The following YPEL1 variants were observed in gnomAD, a reference collection of about 807,000 sequenced individuals.
The protein encoded by YPEL1 is protein yippee-like 1.
A neutral mutation model predicts 17.3 loss-of-function variants in YPEL1; 7 were observed. The observed-to-expected ratio is 0.40, with a 90% confidence interval of 0.23 to 0.76. The LOEUF (loss-of-function observed/expected upper bound fraction) is 0.76, where lower values mean the gene tolerates loss of function less well. YPEL1 is among the 30% of genes least tolerant of loss of function. The pLI, the probability that YPEL1 is intolerant of heterozygous loss-of-function variation, is 0.35. For synonymous variants in YPEL1, 59 were observed against 59.6 expected (o/e 0.99, Z 0.05); for missense variants, 91 against 155.5 (o/e 0.59, Z 2.21).
rs942402633 is a variant in YPEL1 at position 21,703,858 on chromosome 22, C to A, written c.142G>T (p.Ala48Ser). 4 of 1,607,146 alleles carry A rather than the reference C, an allele frequency of 2.5e-6. No homozygotes were observed. The highest frequency in any genetic ancestry group is 2.5e-6 in the Non-Finnish European group (3 of 1,176,812). ...ACTCACACGGAATTGAAGAGGTAGG[C>A]GCGTCCCTGGCTCCCCTGAAAGGAC... ...SKSFQGSQGRAYLFNSVVNVG... is the reference protein window; with the variant it reads ...SKSFQGSQGRSYLFNSVVNVG... The change falls in exon 3 of 5, where the codon GCC becomes TCC. Residue 48 changes from alanine to serine, a missense_variant. Physicochemically the swap from Ala to Ser is moderately conservative, Grantham distance 99. Coordinates refer to ENST00000339468, the MANE Select transcript of YPEL1 (RefSeq NM_013313.5). This position sits in a 1 kb window ranked among gnomAD's most constrained non-coding sequence, Gnocchi z 6.1.
At chr22:21,735,080 G>A (rs1431272514) in intron 1 of YPEL1, among the ~76,000 whole-genome samples, 4 of 152,192 alleles carry the variant, frequency 2.6e-5, no homozygotes, top group East Asian at 1.9e-4. Flanking sequence ...TGGGGGAGGC[G>A]GACCCTGTTT....
chr22:21,730,824 G>C (rs949430935), intron 1 of YPEL1, among the ~76,000 whole-genome samples: 6 of 152,156 alleles, frequency 3.9e-5, no homozygotes. Flanking sequence ...CTGCTCTCTG[G>C]GGAACCCAAG....
intron 1 of YPEL1, among the ~76,000 whole-genome samples, chr22:21,724,791 G>A (rs2068317889): frequency 6.6e-6 from 1 of 151,836 alleles, no homozygotes; most frequent in Admixed American, 6.6e-5. Context: ...ATGTTGCCCA[G>A]ACTGGTCTCA....
At chr22:21,707,729 T>C (rs1404344403) in intron 2 of YPEL1, among the ~76,000 whole-genome samples, 1 of 152,210 alleles carries the variant, frequency 6.6e-6, no homozygotes, top group Non-Finnish European at 1.5e-5. Flanking sequence ...AGGGTTTGGC[T>C]CAGAGACAAG....
intron 1 of YPEL1, among the ~76,000 whole-genome samples, chr22:21,714,132 C>G (rs568772467): frequency 5.6e-4 from 85 of 152,306 alleles, no homozygotes; most frequent in African/African-American, 1.9e-3. Flanking sequence ...GTCTGCCCCC[C>G]ACCTGCGCAG....
intron 1 of YPEL1, among the ~76,000 whole-genome samples, chr22:21,726,628 A>G (rs2068338398): frequency 6.6e-6 from 1 of 152,316 alleles, no homozygotes; most frequent in African/African-American, 2.4e-5. Context: ...GTGTTACCCC[A>G]GGGTCCTCCA....
chr22:21,728,513 C>T (rs746833816), intron 1 of YPEL1, among the ~76,000 whole-genome samples: 1 of 152,104 alleles, frequency 6.6e-6, no homozygotes, highest in African/African-American at 2.4e-5. Context: ...TCCTTATTAG[C>T]CCCACGATGC....
chr22:21,718,277 C>A (rs1230463176), intron 1 of YPEL1, among the ~76,000 whole-genome samples: 1 of 151,802 alleles, frequency 6.6e-6, no homozygotes, highest in Admixed American at 6.6e-5. Flanking sequence ...TCCTGGCTAA[C>A]ACAATGAAAC....
At chr22:21,707,036 C>G (rs192380541) in intron 2 of YPEL1, among the ~76,000 whole-genome samples, 7 of 152,010 alleles carry the variant, frequency 4.6e-5, no homozygotes, top group African/African-American at 1.7e-4. Context: ...GGAATGGAGC[C>G]GGACAAGGCA....
At position 21,700,771 on chromosome 22, in the gene YPEL1, G is replaced by A. The variant is rs113593856; in HGVS notation, c.*358C>T. ...ATTACAGGCGTGAGCCACCGCACCC[G>A]GCCCCAGTTTGGTTTTCAACTGAAC... is the stretch of plus-strand genomic sequence containing the variant. On this transcript the variant is annotated 3_prime_UTR_variant, in exon 5 of 5. Coordinates refer to ENST00000339468, the MANE Select transcript of YPEL1 (RefSeq NM_013313.5). The A allele has an allele frequency of 0.031, 5,300 of 169,970 alleles. 129 individuals carry two copies. Among genetic ancestry groups the A allele is most frequent in the Non-Finnish European group, 0.05 (4,000 of 79,330 alleles). The allele number at this position is 169,970 out of a possible 1,614,324, so 10.5% of individuals were successfully genotyped here. A position where few individuals can be genotyped will look rare whatever the true frequency, so the allele number is the denominator to read the frequency against.
chr22:21,724,051 G>C (rs1041512709), intron 1 of YPEL1, among the ~76,000 whole-genome samples: 1 of 152,104 alleles, frequency 6.6e-6, no homozygotes, highest in African/African-American at 2.4e-5. Context: ...TACCATGTAT[G>C]TCTTGAGATG....
chr22:21,721,417 C>CTTTTT (rs1413173206), intron 1 of YPEL1, among the ~76,000 whole-genome samples: 1 of 41,164 alleles, frequency 2.4e-5, no homozygotes, highest in African/African-American at 8.2e-5. Flanking sequence ...CATGCCCAGC[C>CTTTTT]TTTTTTTCTT....
At chr22:21,702,309 G>A (rs2068073972) in intron 4 of YPEL1, among the ~76,000 whole-genome samples, 1 of 152,214 alleles carries the variant, frequency 6.6e-6, no homozygotes, top group South Asian at 2.1e-4. Context: ...CCACAGATGG[G>A]TATGGGGCTG....
intron 1 of YPEL1, among the ~76,000 whole-genome samples, chr22:21,731,353 G>A (rs890280670): frequency 1.3e-5 from 2 of 151,634 alleles, no homozygotes; most frequent in African/African-American, 4.8e-5. Context: ...AGAAAGAAAA[G>A]GGGAGGTGTA....
chr22:21,716,929 G>A (rs2068229488), intron 1 of YPEL1, among the ~76,000 whole-genome samples: 2 of 151,558 alleles, frequency 1.3e-5, no homozygotes. Flanking sequence ...AACAGCAAAC[G>A]AGAAAAAAAA....
At chr22:21,719,634 C>CA (rs2068260330) in intron 1 of YPEL1, among the ~76,000 whole-genome samples, 1 of 152,122 alleles carries the variant, frequency 6.6e-6, no homozygotes. Context: ...CCTGTAATCC[C>CA]AACACTTTGG....
chr22:21,715,883 C>A (rs1263659925), intron 1 of YPEL1, among the ~76,000 whole-genome samples: 2 of 151,934 alleles, frequency 1.3e-5, no homozygotes, highest in African/African-American at 4.8e-5. Context: ...CCTGTCTCAG[C>A]CTCACGAGCA....
intron 2 of YPEL1, 31 bp downstream of exon 2, chr22:21,710,597 T>G (rs1473110665): frequency 1.3e-6 from 2 of 1,537,022 alleles, no homozygotes; most frequent in South Asian, 2.2e-5. Flanking sequence ...ATAATCATTG[T>G]GCCATCAATT....
Position 21,701,021 on chromosome 22 carries a change from T to C in YPEL1, c.*108A>G. 1 of 963,666 alleles carries C rather than the reference T, an allele frequency of 1.0e-6. No homozygotes were observed. Among genetic ancestry groups the C allele is most frequent in the Non-Finnish European group, 1.6e-6 (1 of 619,964 alleles). 59.7% of individuals were successfully genotyped at this position (963,666 alleles called of 1,614,324 possible). ...GTCAAGAGCTATGCGCAGCTAGCCT[T>C]TGAGGTCAGAGGGCAAGAAAGGCTG... On this transcript the variant is annotated 3_prime_UTR_variant, in exon 5 of 5. Transcript: ENST00000339468.
Sources: allele counts gnomAD v4.1 joint callset (sites outside exome capture counted in the v4.1 genomes callset), GRCh38; gene constraint gnomAD v4.1.1; non-coding constraint Gnocchi (gnomAD v3.1); transcripts MANE v1.5; gene names NCBI Gene and HGNC (gene_info 2026-07-23, HGNC 2026-07-21).